SPIRE1: variants seen among roughly 807,000 people sequenced by gnomAD.
SPIRE1 encodes the protein protein spire homolog 1.
A neutral mutation model predicts 94.1 loss-of-function variants in SPIRE1; 40 were observed. The ratio of observed to expected loss-of-function variants is 0.43; its 90% CI spans 0.33 to 0.55. The LOEUF (loss-of-function observed/expected upper bound fraction) is 0.55. Ranked by LOEUF, SPIRE1 falls within the 20% of genes least tolerant of loss-of-function variation. The probability of loss-of-function intolerance (pLI) is 0.06; values close to 1 mark genes in which losing one functional copy is unlikely to be tolerated. For synonymous variants in SPIRE1, 376 were observed against 371.7 expected (o/e 1.01, Z -0.13); for missense variants, 838 against 975.2 (o/e 0.86, Z 1.87).
intron 9 of SPIRE1, among the ~76,000 whole-genome samples, chr18:12,481,355 G>C (rs1268169453): frequency 6.7e-6 from 1 of 148,430 alleles, no homozygotes; most frequent in Non-Finnish European, 1.5e-5. Flanking sequence ...CCTTAAGTAC[G>C]AGAGGTAGAG....
intron 2 of SPIRE1, among the ~76,000 whole-genome samples, chr18:12,573,028 A>G (rs1424530953): frequency 6.6e-6 from 1 of 152,234 alleles, no homozygotes; most frequent in African/African-American, 2.4e-5. Flanking sequence ...GACTTTATTA[A>G]AGACATTTTT....
chr18:12,628,585 G>GA (rs2037694609), intron 2 of SPIRE1, among the ~76,000 whole-genome samples: 1 of 152,144 alleles, frequency 6.6e-6, no homozygotes, highest in African/African-American at 2.4e-5. Context: ...ATTCTGTGAA[G>GA]AAAGTCATTG....
At position 12,566,090 on chromosome 18, in the gene SPIRE1, C is replaced by T. The variant is rs530038020; in HGVS notation, c.373-19186G>A. ...GTAGCTCCCTCCTATAATCCCAGCACTTTGGGAGGCCGAGGCTGGCAGATC... is the reference window on the plus strand; with the variant it reads ...GTAGCTCCCTCCTATAATCCCAGCATTTTGGGAGGCCGAGGCTGGCAGATC... On this transcript the variant is annotated intron_variant, in intron 2 of 16. Coordinates refer to ENST00000409402, the MANE Select transcript of SPIRE1 (RefSeq NM_001128626.2). Among the ~76,000 whole-genome samples the T allele has an allele frequency of 3.3e-5, 5 of 149,510 alleles. 1 individual carries two copies. In the East Asian group the frequency reaches 1.0e-3, roughly 30 times the overall value.
chr18:12,533,196 C>T (rs1398440259), intron 4 of SPIRE1, among the ~76,000 whole-genome samples: 1 of 152,146 alleles, frequency 6.6e-6, no homozygotes, highest in Non-Finnish European at 1.5e-5. Context: ...AAGTCCTAGT[C>T]TTGGGGTGGT....
intron 10 of SPIRE1, among the ~76,000 whole-genome samples, chr18:12,467,656 A>G (rs920899041): frequency 6.6e-6 from 1 of 152,188 alleles, no homozygotes; most frequent in Non-Finnish European, 1.5e-5. Flanking sequence ...TTCGCTAGAA[A>G]TATTTTTAAA....
intron 2 of SPIRE1, among the ~76,000 whole-genome samples, chr18:12,555,814 A>AAG (rs1248296158): frequency 2.3e-4 from 35 of 152,348 alleles, no homozygotes; most frequent in Non-Finnish European, 4.0e-4. Flanking sequence ...TGGAAGTCCT[A>AAG]GCTAGAGCAA....
chr18:12,614,085 C>T lies in SPIRE1; in HGVS notation c.372+20977G>A, dbSNP rs80286683. 9.4e-3 allele frequency among the ~76,000 whole-genome samples: 1,430 copies of T among 152,108 alleles called. 30 individuals carry two copies. The highest frequency in any genetic ancestry group is 0.032 in the African/African-American group (1,319 of 41,480). ...GACCAGCCAGGACAACAAAGCAAGACTCTAACTCTACAAAAAATAAAAAAA... is the reference window on the plus strand; with the variant it reads ...GACCAGCCAGGACAACAAAGCAAGATTCTAACTCTACAAAAAATAAAAAAA... On this transcript the variant is annotated intron_variant, in intron 2 of 16. Coordinates refer to ENST00000409402, the MANE Select transcript of SPIRE1 (RefSeq NM_001128626.2).
chr18:12,480,749 A>G (rs1199781150), intron 9 of SPIRE1, among the ~76,000 whole-genome samples: 1 of 152,156 alleles, frequency 6.6e-6, no homozygotes, highest in Non-Finnish European at 1.5e-5. Context: ...GCTTTTTGGT[A>G]CCATAGCCTG....
chr18:12,618,000 G>T (rs1021081159), intron 2 of SPIRE1, among the ~76,000 whole-genome samples: 3 of 152,130 alleles, frequency 2.0e-5, no homozygotes, highest in Non-Finnish European at 4.4e-5. Context: ...TTTACCTGTA[G>T]TTCCATGTTC....
chr18:12,615,346 AT>A (rs1451182444), intron 2 of SPIRE1, among the ~76,000 whole-genome samples: 65 of 20,416 alleles, frequency 3.2e-3, no homozygotes, highest in East Asian at 5.6e-3. Context: ...AAAAAAAAAA[AT>A]ATATATATAT....
At chr18:12,628,807 T>C (rs1434445836) in intron 2 of SPIRE1, among the ~76,000 whole-genome samples, 1 of 152,166 alleles carries the variant, frequency 6.6e-6, no homozygotes, top group African/African-American at 2.4e-5. Flanking sequence ...ATTCTCTTTG[T>C]AGCAATATGA....
intron 2 of SPIRE1, among the ~76,000 whole-genome samples, chr18:12,590,608 G>A (rs2036507663): frequency 6.7e-6 from 1 of 150,332 alleles, no homozygotes; most frequent in Non-Finnish European, 1.5e-5. Flanking sequence ...TGAGCCTCAT[G>A]TCCACCTTAC....
chr18:12,535,513 A>C lies in SPIRE1; in HGVS notation c.692T>G (p.Leu231Arg), dbSNP rs907725782. ...CTTAATTTTGGTCAGAAATGTATGG[A>C]GCTCCATTGTTTCTGCAAACAGTGC... is the stretch of plus-strand genomic sequence containing the variant. Reference protein sequence around the residue: ...CRALFAETMELHTFLTKIKSA... With the variant: ...CRALFAETMERHTFLTKIKSA... Residue 231 changes from leucine to arginine, a missense_variant, in exon 4 of 17, where the codon CTC (leucine) becomes CGC (arginine). Transcript: ENST00000409402. 6.2e-7 allele frequency: 1 copy of C among 1,613,378 alleles called. No homozygotes were observed. The highest frequency in any genetic ancestry group is 1.1e-5 in the South Asian group (1 of 91,076).
At chr18:12,632,444 T>A (rs1198287522) in intron 2 of SPIRE1, among the ~76,000 whole-genome samples, 1 of 152,198 alleles carries the variant, frequency 6.6e-6, no homozygotes, top group Non-Finnish European at 1.5e-5. Context: ...TTCTGTCATT[T>A]CACCAAACTT....
At chr18:12,536,122 G>T (rs2034834409) in intron 3 of SPIRE1, among the ~76,000 whole-genome samples, 1 of 152,144 alleles carries the variant, frequency 6.6e-6, no homozygotes, top group African/African-American at 2.4e-5. Context: ...AGACCCAACA[G>T]CACAGATGAG....
chr18:12,618,398 C>T (rs1015237292), intron 2 of SPIRE1, among the ~76,000 whole-genome samples: 1 of 152,146 alleles, frequency 6.6e-6, no homozygotes, highest in African/African-American at 2.4e-5. Context: ...CCGCGCCCGG[C>T]CACTATAAGG....
intron 2 of SPIRE1, among the ~76,000 whole-genome samples, chr18:12,572,424 G>A (rs2035980157): frequency 6.6e-6 from 1 of 151,720 alleles, no homozygotes; most frequent in Admixed American, 6.6e-5. Context: ...ACAGACATGA[G>A]CCACCACACC....
At chr18:12,618,140 C>T (rs917307689) in intron 2 of SPIRE1, among the ~76,000 whole-genome samples, 7 of 152,020 alleles carry the variant, frequency 4.6e-5, no homozygotes, top group South Asian at 2.1e-4. Context: ...CTTGCTCTGT[C>T]GCCCAGGCTG....
At chr18:12,485,703 C>T (rs930937617) in intron 9 of SPIRE1, among the ~76,000 whole-genome samples, 5 of 152,136 alleles carry the variant, frequency 3.3e-5, no homozygotes, top group African/African-American at 1.2e-4. Flanking sequence ...AAGATGGGCA[C>T]CATCTTCTAG....
Sources: allele counts gnomAD v4.1 joint callset (sites outside exome capture counted in the v4.1 genomes callset), GRCh38; gene constraint gnomAD v4.1.1; transcripts MANE v1.5; gene names NCBI Gene and HGNC (gene_info 2026-07-23, HGNC 2026-07-21).